The following CDH13 variants were observed in gnomAD, a reference collection of about 807,000 sequenced individuals.
CDH13 encodes cadherin-13.
A neutral mutation model predicts 63.8 loss-of-function variants in CDH13; 24 were observed. The ratio of observed to expected loss-of-function variants is 0.38; its 90% CI spans 0.27 to 0.53. The LOEUF (loss-of-function observed/expected upper bound fraction) is 0.53. CDH13 is among the 20% of genes least tolerant of loss of function. The probability of loss-of-function intolerance (pLI) is 0.85; values close to 1 mark genes in which losing one functional copy is unlikely to be tolerated. For synonymous variants in CDH13, 503 were observed against 355.3 expected, an observed-to-expected ratio of 1.42 and a Z score of -4.67; for missense variants, 1,049 against 903.1, an observed-to-expected ratio of 1.16 and a Z score of -2.07.
intron 3 of CDH13, among the ~76,000 whole-genome samples, chr16:83,098,141 G>T (rs1389083657): frequency 6.6e-6 from 1 of 152,198 alleles, no homozygotes; most frequent in Non-Finnish European, 1.5e-5. Flanking sequence ...ACAGAAAAGT[G>T]TAGCCTCAAG....
chr16:82,691,971 A>C (rs984767298), intron 1 of CDH13, among the ~76,000 whole-genome samples: 2 of 152,214 alleles, frequency 1.3e-5, no homozygotes, highest in Non-Finnish European at 2.9e-5. Flanking sequence ...GCTGACAGTT[A>C]GGAAACACTC....
intron 11 of CDH13, among the ~76,000 whole-genome samples, chr16:83,765,498 T>A (rs1914310043): frequency 6.6e-6 from 1 of 152,084 alleles, no homozygotes; most frequent in Admixed American, 6.6e-5. Context: ...GCAAACTTAT[T>A]TTCCACCAGA....
chr16:83,635,139 C>G (rs556201075), intron 8 of CDH13, among the ~76,000 whole-genome samples: 1 of 152,154 alleles, frequency 6.6e-6, no homozygotes, highest in African/African-American at 2.4e-5. Flanking sequence ...TAGCTGCTCT[C>G]TGGTTTGGTG....
chr16:83,269,693 T>C (rs2088740581), intron 5 of CDH13, among the ~76,000 whole-genome samples: 1 of 152,190 alleles, frequency 6.6e-6, no homozygotes, highest in South Asian at 2.1e-4. Flanking sequence ...CCCAGTACCC[T>C]GAATGAGTGC....
intron 1 of CDH13, among the ~76,000 whole-genome samples, chr16:82,756,387 C>A (rs2034612135): frequency 6.6e-6 from 1 of 152,040 alleles, no homozygotes; most frequent in Admixed American, 6.5e-5. Flanking sequence ...TAATAATAGC[C>A]ACCATTTGTG....
intron 1 of CDH13, among the ~76,000 whole-genome samples, chr16:82,647,051 AAG>A (rs1910178589): frequency 6.6e-6 from 1 of 152,256 alleles, no homozygotes; most frequent in Middle Eastern, 3.4e-3. Context: ...CATGACAGTT[AAG>A]AGCCCAGGCC....
At chr16:83,033,771 A>T (rs1370064169) in intron 3 of CDH13, among the ~76,000 whole-genome samples, 4 of 152,094 alleles carry the variant, frequency 2.6e-5, no homozygotes, top group African/African-American at 7.2e-5. Flanking sequence ...GAGCTCAGGG[A>T]CTCCACCTTC....
intron 8 of CDH13, among the ~76,000 whole-genome samples, chr16:83,621,239 C>A (rs1909782858): frequency 6.6e-6 from 1 of 152,160 alleles, no homozygotes; most frequent in African/African-American, 2.4e-5. Context: ...TCAGGCATTT[C>A]TGCCGGATTC....
At chr16:82,865,965 G>A (rs921293792) in intron 2 of CDH13, among the ~76,000 whole-genome samples, 4 of 152,120 alleles carry the variant, frequency 2.6e-5, no homozygotes, top group African/African-American at 9.7e-5. Context: ...ACACTTTGCT[G>A]CTTAGAAATT....
chr16:83,120,356 G>C (rs2035509757), intron 3 of CDH13, among the ~76,000 whole-genome samples: 1 of 152,146 alleles, frequency 6.6e-6, no homozygotes. Flanking sequence ...GACCACTCTG[G>C]ACACCCGTGA....
At chr16:83,784,389 T>C (rs1915738597) in intron 13 of CDH13, among the ~76,000 whole-genome samples, 1 of 151,996 alleles carries the variant, frequency 6.6e-6, no homozygotes, top group African/African-American at 2.4e-5. Flanking sequence ...CCCACCACTT[T>C]GGGAGGTCGA....
intron 3 of CDH13, among the ~76,000 whole-genome samples, chr16:83,065,404 C>T (rs1428794731): frequency 6.6e-6 from 1 of 152,066 alleles, no homozygotes; most frequent in African/African-American, 2.4e-5. Context: ...TTCAAAGAAA[C>T]AGATATAGAC....
chr16:83,238,170 T>C (rs1904279359), intron 5 of CDH13, among the ~76,000 whole-genome samples: 1 of 152,094 alleles, frequency 6.6e-6, no homozygotes, highest in Non-Finnish European at 1.5e-5. Context: ...AGATGGTGTA[T>C]TAGTCCATTT....
intron 4 of CDH13, among the ~76,000 whole-genome samples, chr16:83,135,607 A>G (rs1567864381): frequency 6.6e-6 from 1 of 152,202 alleles, no homozygotes; most frequent in Non-Finnish European, 1.5e-5. Flanking sequence ...ACTATGGAAA[A>G]CAGTGTGGAG....
At chr16:83,000,333 C>G (rs1455405810) in intron 2 of CDH13, among the ~76,000 whole-genome samples, 2 of 141,378 alleles carry the variant, frequency 1.4e-5, no homozygotes, top group East Asian at 4.3e-4. Flanking sequence ...GCTGCAACCT[C>G]CACCTCCCAG....
intron 3 of CDH13, among the ~76,000 whole-genome samples, chr16:83,110,779 C>A (rs574370027): frequency 1.4e-3 from 213 of 151,954 alleles, no homozygotes; most frequent in African/African-American, 4.8e-3. Flanking sequence ...ACAAAAAAAA[C>A]CAAGGTGTGA....
chr16:83,071,856 A>G (rs984348790), intron 3 of CDH13, among the ~76,000 whole-genome samples: 42 of 152,294 alleles, frequency 2.8e-4, no homozygotes, highest in African/African-American at 7.9e-4. Flanking sequence ...TAAATATCCC[A>G]TTTATATTAT....
At chr16:83,342,072 C>T (rs895890386) in intron 5 of CDH13, among the ~76,000 whole-genome samples, 1 of 150,106 alleles carries the variant, frequency 6.7e-6, no homozygotes, top group African/African-American at 2.4e-5. Context: ...AAATGTTCTA[C>T]ATCTGTGTTG....
chr16:83,212,110 A>C (rs570621048), intron 4 of CDH13, among the ~76,000 whole-genome samples: 16 of 152,266 alleles, frequency 1.1e-4, no homozygotes, highest in African/African-American at 3.9e-4. Flanking sequence ...ACAACAACAA[A>C]GGGCTGCAGG....
Sources: gnomAD v4.1 joint callset for allele counts (sites outside exome capture counted in the v4.1 genomes callset) on GRCh38, gnomAD v4.1.1 for gene constraint, MANE v1.5 for transcripts, NCBI Gene and HGNC (gene_info 2026-07-23, HGNC 2026-07-21) for gene names.